FMNL2: variants seen among roughly 807,000 people sequenced by gnomAD.
FMNL2 encodes formin-like protein 2.
Under a neutral mutation model 130.2 loss-of-function variants are expected in FMNL2, and 51 were observed. The observed-to-expected ratio is 0.39, with a 90% CI of 0.31 to 0.49. The LOEUF (loss-of-function observed/expected upper bound fraction) is 0.49, where lower values mean the gene tolerates loss of function less well. Among genes scored for constraint, FMNL2 ranks in the 20% least tolerant of loss-of-function variants. The pLI is 0.85. For synonymous variants in FMNL2, 465 were observed against 467.1 expected (o/e 1.00, Z 0.06); for missense variants, 977 against 1,316.2 (o/e 0.74, Z 3.99).
chr2:152,575,000 A>C (rs1342981232), intron 6 of FMNL2, 136 bp from the exon 7 acceptor site: 1 of 564,052 alleles, frequency 1.8e-6, no homozygotes, highest in Non-Finnish European at 3.2e-6. Context: ...AATCAATCTT[A>C]CTGTTGCCAT....
intron 9 of FMNL2, among the ~76,000 whole-genome samples, chr2:152,588,874 T>C (rs1697230444): frequency 6.6e-6 from 1 of 152,086 alleles, no homozygotes; most frequent in African/African-American, 2.4e-5. Context: ...TAATAAAGAA[T>C]TTGCTCATAT....
chr2:152,617,487 TTGGAAATAAAAACACAGCA>T (rs1440336589), intron 13 of FMNL2, among the ~76,000 whole-genome samples: 1 of 152,244 alleles, frequency 6.6e-6, no homozygotes, highest in African/African-American at 2.4e-5. Flanking sequence ...ACCCATTTGG[TTGGAAATAAAAACACAGCA>T]TGGATTTAAT....
intron 1 of FMNL2, among the ~76,000 whole-genome samples, chr2:152,411,117 G>C (rs1175499011): frequency 6.6e-6 from 1 of 152,172 alleles, no homozygotes; most frequent in Non-Finnish European, 1.5e-5. Flanking sequence ...AACATATGAA[G>C]CCATTGGTTA....
intron 12 of FMNL2, 106 bp downstream of exon 12, chr2:152,615,106 A>G: frequency 8.2e-7 from 1 of 1,219,980 alleles, no homozygotes; most frequent in South Asian, 1.3e-5. Context: ...GGAGTATAGG[A>G]ATAGGCCATA....
At chr2:152,383,644 GTTA>G (rs1684622589) in intron 1 of FMNL2, among the ~76,000 whole-genome samples, 1 of 152,042 alleles carries the variant, frequency 6.6e-6, no homozygotes, top group Non-Finnish European at 1.5e-5. Flanking sequence ...ATATCTTACT[GTTA>G]TTATATATCC....
intron 1 of FMNL2, among the ~76,000 whole-genome samples, chr2:152,384,524 G>T (rs1321399729): frequency 6.6e-6 from 1 of 152,190 alleles, no homozygotes; most frequent in Admixed American, 6.5e-5. Context: ...GAGAGGGCAG[G>T]AGAGTACTCT....
intron 25 of FMNL2, chr2:152,643,333 CAA>C (rs911313236): frequency 6.9e-7 from 1 of 1,456,956 alleles, no homozygotes; most frequent in African/African-American, 1.4e-5. Context: ...GTATGATTAA[CAA>C]TGCACTAACC....
intron 10 of FMNL2, 129 bp downstream of exon 10, chr2:152,607,542 A>T (rs1261684100): frequency 2.9e-6 from 2 of 697,408 alleles, no homozygotes; most frequent in Non-Finnish European, 4.9e-6. Flanking sequence ...ATTGCAATTA[A>T]TATGCTATAG....
chr2:152,475,620 G>A (rs59965317), intron 1 of FMNL2, among the ~76,000 whole-genome samples: 1 of 151,748 alleles, frequency 6.6e-6, no homozygotes, highest in East Asian at 1.9e-4. Context: ...TCAGCTTCCC[G>A]AGTCGCTGGG....
chr2:152,619,459 A>G, intron 14 of FMNL2, 50 bp from the exon 15 acceptor site: 2 of 1,548,590 alleles, frequency 1.3e-6, no homozygotes, highest in South Asian at 1.2e-5. Context: ...TATTGCAGGA[A>G]AGCCATTCCC....
chr2:152,456,752 A>T (rs2105100791), intron 1 of FMNL2, among the ~76,000 whole-genome samples: 2 of 151,962 alleles, frequency 1.3e-5, no homozygotes, highest in Admixed American at 1.3e-4. Context: ...GACCAGCCTG[A>T]CCAACATGGT....
intron 9 of FMNL2, among the ~76,000 whole-genome samples, chr2:152,587,698 G>C (rs141332007): frequency 1.3e-5 from 2 of 152,264 alleles, no homozygotes; most frequent in African/African-American, 4.8e-5. Context: ...TTTAACATCT[G>C]GTTAAGGGAA....
chr2:152,393,607 G>A (rs1162731413), intron 1 of FMNL2, among the ~76,000 whole-genome samples: 1 of 152,198 alleles, frequency 6.6e-6, no homozygotes, highest in Non-Finnish European at 1.5e-5. Context: ...GCCAAAGAGA[G>A]TCTTTCCATT....
At chr2:152,394,006 G>A (rs1348850451) in intron 1 of FMNL2, among the ~76,000 whole-genome samples, 1 of 152,092 alleles carries the variant, frequency 6.6e-6, no homozygotes, top group South Asian at 2.1e-4. Flanking sequence ...AAGAACAGGC[G>A]GTGGGCTGGA....
rs187898750 is a variant in FMNL2, at chr2:152,494,988, A to C, written c.118-26955A>C. On this transcript the variant is annotated intron_variant, in intron 1 of 25. Transcript: ENST00000288670. ...CTAACACTTGCAACACACACAGTCA[A>C]CTCTTTTGTTATAGCTCAGTTTAAT... is the stretch of plus-strand genomic sequence containing the variant. 3.8e-4 allele frequency among the ~76,000 whole-genome samples: 58 copies of C among 152,210 alleles called. No individual in the cohort carries two copies. The East Asian group carries it at 9.8e-3, about 26-fold the overall frequency.
chr2:152,564,254 A>G (rs916944026), intron 6 of FMNL2, among the ~76,000 whole-genome samples: 1 of 152,056 alleles, frequency 6.6e-6, no homozygotes, highest in Non-Finnish European at 1.5e-5. Context: ...TGTCTTCTGT[A>G]TCCAAATGCA....
chr2:152,490,569 ATGTG>A (rs58838989), intron 1 of FMNL2, among the ~76,000 whole-genome samples: 2,032 of 108,508 alleles, frequency 0.019, 35 homozygotes, highest in African/African-American at 0.049. Flanking sequence ...TTGCTATCCA[ATGTG>A]TGTGTGTGTG....
intron 1 of FMNL2, among the ~76,000 whole-genome samples, chr2:152,380,547 C>T (rs1684404784): frequency 6.6e-6 from 1 of 152,202 alleles, no homozygotes; most frequent in Non-Finnish European, 1.5e-5. Context: ...GTTCTCCATA[C>T]ACTCTGGGTT....
At chr2:152,490,153 A>G (rs1214257590) in intron 1 of FMNL2, among the ~76,000 whole-genome samples, 1 of 152,080 alleles carries the variant, frequency 6.6e-6, no homozygotes, top group Non-Finnish European at 1.5e-5. Flanking sequence ...TAATTTCGCC[A>G]TGGTAGAGGT....
Sources: allele counts gnomAD v4.1 joint callset (sites outside exome capture counted in the v4.1 genomes callset), GRCh38; gene constraint gnomAD v4.1.1; transcripts MANE v1.5; gene names NCBI Gene and HGNC (gene_info 2026-07-23, HGNC 2026-07-21).